MSI2: variants seen among roughly 807,000 people sequenced by gnomAD.
The protein encoded by MSI2 is musashi RNA binding protein 2.
Under a neutral mutation model 45.6 loss-of-function variants are expected in MSI2, and 17 were observed. The observed-to-expected ratio is 0.37, with a 90% CI of 0.26 to 0.56. MSI2 has a LOEUF of 0.56. Among genes scored for constraint, MSI2 ranks in the 20% least tolerant of loss-of-function variants. The probability of loss-of-function intolerance (pLI) is 0.77; values close to 1 mark genes in which losing one functional copy is unlikely to be tolerated. For missense variants in MSI2, 293 were observed against 444.2 expected (o/e 0.66, Z 3.06); for synonymous variants, 156 against 158.2 (o/e 0.99, Z 0.11).
intron 12 of MSI2, among the ~76,000 whole-genome samples, chr17:57,676,074 T>A (rs576171256): frequency 6.6e-6 from 1 of 152,302 alleles, no homozygotes; most frequent in East Asian, 1.9e-4. Flanking sequence ...CAGGCCACGT[T>A]CCTGTCAGAC....
intron 7 of MSI2, among the ~76,000 whole-genome samples, chr17:57,547,078 C>G (rs904429308): frequency 6.6e-6 from 1 of 152,164 alleles, no homozygotes; most frequent in African/African-American, 2.4e-5. Flanking sequence ...AGGCCTTGGA[C>G]TTGGGAGGCA....
At chr17:57,583,922 C>G (rs911268490) in intron 7 of MSI2, among the ~76,000 whole-genome samples, 4 of 152,218 alleles carry the variant, frequency 2.6e-5, no homozygotes, top group African/African-American at 9.7e-5. Flanking sequence ...GTAAGACTCA[C>G]TACTGAGAAG....
intron 5 of MSI2, among the ~76,000 whole-genome samples, chr17:57,358,817 G>C (rs1312834344): frequency 6.6e-6 from 1 of 152,120 alleles, no homozygotes; most frequent in Non-Finnish European, 1.5e-5. Context: ...ATGTAAATAT[G>C]GTCAAGAAGA....
At chr17:57,527,540 T>C (rs1431842920) in intron 6 of MSI2, among the ~76,000 whole-genome samples, 1 of 152,198 alleles carries the variant, frequency 6.6e-6, no homozygotes, top group Non-Finnish European at 1.5e-5. Context: ...AAACTAGCAT[T>C]GCCCACTCCC....
At position 57,256,670 on chromosome 17, in the gene MSI2, A is replaced by G; in HGVS notation, c.-73A>G. 2.2e-6 allele frequency: 1 copy of G among 461,146 alleles called. No individual in the cohort carries two copies. Among genetic ancestry groups the G allele is most frequent in the Non-Finnish European group, 3.1e-6 (1 of 320,518 alleles). The allele number at this position is 461,146 out of a possible 1,614,324, so 28.6% of individuals were successfully genotyped here. On this transcript the variant is annotated 5_prime_UTR_variant, in exon 1 of 14. Coordinates refer to ENST00000284073, the MANE Select transcript of MSI2 (RefSeq NM_138962.4). ...AGGGAGCGGAGATCTCGGGGCTCGG[A>G]GCCGGCCGCCGCTCCGCTCCGATCG...
At chr17:57,359,725 G>A (rs778781551) in intron 5 of MSI2, among the ~76,000 whole-genome samples, 8 of 152,148 alleles carry the variant, frequency 5.3e-5, no homozygotes, top group Non-Finnish European at 8.8e-5. Flanking sequence ...TTGAGGCCCT[G>A]GCTGAAGCCC....
intron 5 of MSI2, among the ~76,000 whole-genome samples, chr17:57,343,930 C>T (rs1453878033): frequency 2.0e-5 from 3 of 152,152 alleles, no homozygotes; most frequent in Non-Finnish European, 4.4e-5. Context: ...GTTTTTGTGT[C>T]CTTCTCAGGG....
At chr17:57,290,806 C>CT (rs1910341277) in intron 5 of MSI2, among the ~76,000 whole-genome samples, 2 of 152,228 alleles carry the variant, frequency 1.3e-5, no homozygotes, top group Admixed American at 1.3e-4. Context: ...CGCATATAAC[C>CT]TGGTGGCTCC....
At chr17:57,432,639 G>C (rs1253629015) in intron 6 of MSI2, 1 of 152,702 alleles carries the variant, frequency 6.5e-6, no homozygotes, top group African/African-American at 2.4e-5. Context: ...CTCCCTTTCT[G>C]CTGGGCATTT....
At chr17:57,657,789 G>T (rs754135022) in intron 11 of MSI2, among the ~76,000 whole-genome samples, 9 of 152,134 alleles carry the variant, frequency 5.9e-5, no homozygotes, top group Non-Finnish European at 1.2e-4. Context: ...AGGGATCCTG[G>T]AGCTATTTGG....
At position 57,258,499 on chromosome 17, in the gene MSI2, T is replaced by A; in HGVS notation, c.270+145T>A. 3 of 744,308 alleles carry A rather than the reference T, an allele frequency of 4.0e-6. No homozygotes were observed. In the South Asian group the frequency reaches 4.9e-5, roughly 12 times the overall value. 46.1% of individuals were successfully genotyped at this position (744,308 alleles called of 1,614,324 possible). A position where few individuals can be genotyped will look rare whatever the true frequency, so the allele number is the denominator to read the frequency against. ...CTGAGCTAGCGAGTTGGCTCAAAAG[T>A]TTGCTGCTGTGGCTGGCTTTGGGGT... On this transcript the variant is annotated intron_variant, in intron 4 of 13. Transcript: ENST00000284073.
intron 7 of MSI2, among the ~76,000 whole-genome samples, chr17:57,574,894 G>C (rs978913538): frequency 3.5e-5 from 5 of 144,766 alleles, no homozygotes; most frequent in African/African-American, 1.3e-4. Flanking sequence ...GCAGTGGCAC[G>C]ATCTCAGCTC....
chr17:57,515,338 G>C (rs1367083293), intron 6 of MSI2, among the ~76,000 whole-genome samples: 2 of 152,034 alleles, frequency 1.3e-5, no homozygotes, highest in African/African-American at 4.8e-5. Flanking sequence ...CGAGTAGCTG[G>C]GATTACAGGC....
intron 8 of MSI2, among the ~76,000 whole-genome samples, chr17:57,612,160 G>C (rs1287680140): frequency 1.0e-5 from 1 of 95,506 alleles, no homozygotes; most frequent in African/African-American, 3.3e-5. Flanking sequence ...CGCTCGAGAG[G>C]CTAACAAGTG....
chr17:57,386,428 C>T (rs2083687409), intron 5 of MSI2, among the ~76,000 whole-genome samples: 1 of 152,096 alleles, frequency 6.6e-6, no homozygotes, highest in Non-Finnish European at 1.5e-5. Flanking sequence ...CTAGAATAAT[C>T]CACAGAGTAA....
chr17:57,260,975 A>G (rs529998357), intron 4 of MSI2, among the ~76,000 whole-genome samples: 10 of 151,968 alleles, frequency 6.6e-5, no homozygotes, highest in Middle Eastern at 3.4e-3. Context: ...TTACTTTTTA[A>G]AAGGAAAACA....
In MSI2 at chr17:57,575,052, A is replaced by G. The variant is rs147418775; in HGVS notation, c.455-21816A>G. Among the ~76,000 whole-genome samples, 1,278 of 151,874 alleles carry G rather than the reference A, an allele frequency of 8.4e-3. 17 individuals are homozygous for G. The highest frequency in any genetic ancestry group is 0.024 in the African/African-American group (995 of 41,402). ...TCACTGTGTTAGCCAGGATGGTCTC[A>G]ATCTCCTGACCTCGTGATCCGCCCA... On this transcript the variant is annotated intron_variant, in intron 7 of 13. Coordinates refer to ENST00000284073, the MANE Select transcript of MSI2 (RefSeq NM_138962.4).
At chr17:57,256,861 CG>C in intron 1 of MSI2, 57 bp downstream of exon 1, 2 of 1,325,966 alleles carry the variant, frequency 1.5e-6, no homozygotes, top group Non-Finnish European at 1.0e-6. Context: ...CTTGCAGCGG[CG>C]GGGACGGCGG....
At chr17:57,575,543 C>T (rs1225461301) in intron 7 of MSI2, among the ~76,000 whole-genome samples, 2 of 152,144 alleles carry the variant, frequency 1.3e-5, no homozygotes, top group East Asian at 1.9e-4. Context: ...CTGAGGACCC[C>T]GGGATTGACT....
Sources: allele counts gnomAD v4.1 joint callset (sites outside exome capture counted in the v4.1 genomes callset), GRCh38; gene constraint gnomAD v4.1.1; transcripts MANE v1.5; gene names NCBI Gene and HGNC (gene_info 2026-07-23, HGNC 2026-07-21).